Variants in CWC22 observed in about 807,000 individuals in gnomAD.
CWC22 encodes the protein CWC22 spliceosome associated protein.
In CWC22, 53 loss-of-function variants were observed where a neutral mutation model predicts 117.2. The observed-to-expected ratio is 0.45, with a 90% CI of 0.36 to 0.57. The LOEUF is 0.57. Among genes scored for constraint, CWC22 ranks in the 20% least tolerant of loss-of-function variants. The pLI is 0.00. For synonymous variants in CWC22, 360 were observed against 355.6 expected (o/e 1.01, Z -0.14); for missense variants, 980 against 1,068.8 (o/e 0.92, Z 1.16).
chr2:180,000,529 G>A (rs183977793), intron 1 of CWC22, among the ~76,000 whole-genome samples: 1 of 152,270 alleles, frequency 6.6e-6, no homozygotes, highest in Admixed American at 6.5e-5. Context: ...AAATCTACAA[G>A]ATACTGAAAT....
chr2:179,964,653 A>G (rs1387582204), intron 12 of CWC22, 25 bp from the exon 13 acceptor site: 1 of 1,213,632 alleles, frequency 8.2e-7, no homozygotes, highest in South Asian at 1.4e-5. Context: ...ACAAAATTAC[A>G]CAACTGCAAA....
In CWC22 at chr2:179,970,868, CAGAA is replaced by C. The variant is rs1158603644; in HGVS notation, c.941-16_941-13del. 1 of 1,610,878 alleles carries C rather than the reference CAGAA, an allele frequency of 6.2e-7. No homozygotes were observed. Among genetic ancestry groups the C allele is most frequent in the Non-Finnish European group, 8.5e-7 (1 of 1,177,810 alleles). On this transcript the variant is annotated splice_polypyrimidine_tract_variant and intron_variant, in intron 9 of 19. Transcript: ENST00000410053. ...GCGTTCAAATATAGCTAAAAGTTAACAGAAAGAAAAGACAATAAAATAAGCAATA... is the reference window on the plus strand; with the variant it reads ...GCGTTCAAATATAGCTAAAAGTTAACAGAAAAGACAATAAAATAAGCAATA...
chr2:179,998,202 T>C (rs979658505), intron 1 of CWC22, among the ~76,000 whole-genome samples: 1 of 152,210 alleles, frequency 6.6e-6, no homozygotes, highest in Non-Finnish European at 1.5e-5. Context: ...AGGCAGAATA[T>C]AGAGACCCCA....
At chr2:179,958,955 C>A (rs1388508926) in intron 14 of CWC22, 67 bp downstream of exon 14, 17 of 888,844 alleles carry the variant, frequency 1.9e-5, no homozygotes, top group South Asian at 3.1e-5. Context: ...AAAACTTACC[C>A]ATTAACAGCC....
intron 19 of CWC22, among the ~76,000 whole-genome samples, chr2:179,947,745 C>T (rs1471143534): frequency 6.6e-6 from 1 of 152,166 alleles, no homozygotes; most frequent in African/African-American, 2.4e-5. Context: ...AACAGCCCCA[C>T]AATTCTGGAT....
At chr2:179,955,338 T>C (rs1204150200) in intron 14 of CWC22, among the ~76,000 whole-genome samples, 1 of 151,792 alleles carries the variant, frequency 6.6e-6, no homozygotes, top group Non-Finnish European at 1.5e-5. Flanking sequence ...GAGGGAGAGA[T>C]TTAATACACT....
intron 1 of CWC22, among the ~76,000 whole-genome samples, chr2:179,997,693 A>C (rs1687742738): frequency 6.6e-6 from 1 of 152,234 alleles, no homozygotes. Flanking sequence ...ATTTATACGT[A>C]CATTTGTTCC....
chr2:179,982,009 A>AT lies in CWC22; in HGVS notation c.207-13dup, dbSNP rs1205441596. 6.9e-7 allele frequency: 1 copy of AT among 1,443,438 alleles called. No homozygotes were observed. Among genetic ancestry groups the AT allele is most frequent in the Non-Finnish European group, 9.5e-7 (1 of 1,055,334 alleles). 89.4% of individuals were successfully genotyped at this position (1,443,438 alleles called of 1,614,324 possible). ...CTCGGTCCCTGTTTCTGTAATATAA[A>AT]TTTTTTGAAGAGCAGAAAAGACAAT... On this transcript the variant is annotated splice_polypyrimidine_tract_variant and intron_variant, in intron 4 of 19. Coordinates refer to ENST00000410053, the MANE Select transcript of CWC22 (RefSeq NM_020943.3).
chr2:179,971,469 T>C (rs1687031682), intron 8 of CWC22, among the ~76,000 whole-genome samples: 3 of 152,170 alleles, frequency 2.0e-5, no homozygotes, highest in South Asian at 4.1e-4. Context: ...ATATGATTTA[T>C]AATACCCTTC....
intron 6 of CWC22, among the ~76,000 whole-genome samples, chr2:179,976,205 A>AC (rs1687148812): frequency 6.6e-6 from 1 of 152,322 alleles, no homozygotes; most frequent in African/African-American, 2.4e-5. Flanking sequence ...CCAGATGCAG[A>AC]AGAATGAAAA....
intron 19 of CWC22, among the ~76,000 whole-genome samples, chr2:179,947,718 T>C (rs2105503842): frequency 6.6e-6 from 1 of 152,292 alleles, no homozygotes; most frequent in East Asian, 1.9e-4. Flanking sequence ...AAACAATCTT[T>C]CTCTGATAAT....
chr2:179,993,372 A>C lies in CWC22; in HGVS notation c.-31T>G. Reference sequence around the variant, plus strand: ...GTTGCCAGTTGGTCCAATAAATCAAAGATGCTTCAAACTGGTCCAAATAAC... The same window carrying C: ...GTTGCCAGTTGGTCCAATAAATCAACGATGCTTCAAACTGGTCCAAATAAC... On this transcript the variant is annotated 5_prime_UTR_variant, in exon 2 of 20. Transcript: ENST00000410053. 1 of 1,536,586 alleles carries C rather than the reference A, an allele frequency of 6.5e-7. No individual in the cohort carries two copies. Among genetic ancestry groups the C allele is most frequent in the East Asian group, 2.4e-5 (1 of 42,352 alleles).
At chr2:180,005,589 C>CAAAACAA (rs1204654908) in intron 1 of CWC22, among the ~76,000 whole-genome samples, 7 of 151,568 alleles carry the variant, frequency 4.6e-5, no homozygotes, top group South Asian at 2.1e-4. Flanking sequence ...CAAAACAAAA[C>CAAAACAA]AAAACAAAAA....
intron 11 of CWC22, among the ~76,000 whole-genome samples, chr2:179,966,757 A>G (rs1686901256): frequency 6.6e-6 from 1 of 152,228 alleles, no homozygotes; most frequent in African/African-American, 2.4e-5. Flanking sequence ...GCCTGATAAA[A>G]GACTTTGCAT....
Position 179,954,957 on chromosome 2 carries a change from C to A in CWC22, c.1536G>T (p.Gly512=). Residue 512 remains glycine (G), a splice_region_variant and synonymous_variant, in exon 15 of 20, where the codon GGG becomes GGT. Transcript: ENST00000410053. ...TCCCTCAGTAGAGGCTGGAACTCAC[C>A]CCAGCTAATAAGCCAAAAAATTTTT... ...TYEKFFGLLA[G]RFCMLKKEYM... 1.3e-6 allele frequency: 2 copies of A among 1,557,898 alleles called. No individual in the cohort carries two copies. The highest frequency in any genetic ancestry group is 8.8e-7 in the Non-Finnish European group (1 of 1,137,546).
At chr2:179,954,827 A>G in intron 15 of CWC22, 130 bp downstream of exon 15, 1 of 615,196 alleles carries the variant, frequency 1.6e-6, no homozygotes, top group African/African-American at 1.8e-5. Flanking sequence ...GGGAAACCTG[A>G]GGAAGGAGAG....
At chr2:179,983,047 T>A (rs1021276176) in intron 4 of CWC22, among the ~76,000 whole-genome samples, 1 of 152,194 alleles carries the variant, frequency 6.6e-6, no homozygotes, top group African/African-American at 2.4e-5. Flanking sequence ...TACACGGAGA[T>A]TGAAAAGCAG....
chr2:179,982,495 T>C (rs1687309682), intron 4 of CWC22, among the ~76,000 whole-genome samples: 1 of 152,194 alleles, frequency 6.6e-6, no homozygotes, highest in African/African-American at 2.4e-5. Context: ...CTGTGGTGTA[T>C]ATGACAAATT....
intron 13 of CWC22, among the ~76,000 whole-genome samples, chr2:179,962,005 T>C (rs142436654): frequency 3.7e-4 from 56 of 152,170 alleles, no homozygotes; most frequent in Non-Finnish European, 7.2e-4. Flanking sequence ...TGTTGATGTG[T>C]CCAATATCAG....
Sources: allele counts gnomAD v4.1 joint callset (sites outside exome capture counted in the v4.1 genomes callset), GRCh38; gene constraint gnomAD v4.1.1; transcripts MANE v1.5; gene names NCBI Gene and HGNC (gene_info 2026-07-23, HGNC 2026-07-21).